Variants in MYH14 observed in about 807,000 individuals in gnomAD.
MYH14 encodes the protein myosin heavy chain 14, also known as myosin-14.
A neutral mutation model predicts 255.5 loss-of-function variants in MYH14; 123 were observed. The ratio of observed to expected loss-of-function variants is 0.48; its 90% CI spans 0.42 to 0.56. The LOEUF (loss-of-function observed/expected upper bound fraction) is 0.56. Among genes scored for constraint, MYH14 ranks in the 20% least tolerant of loss-of-function variants. MYH14 has a pLI of 0.00. For missense variants in MYH14, 2,423 were observed against 2,802.3 expected (o/e 0.86, Z 3.06); for synonymous variants, 1,095 against 1,161.2 (o/e 0.94, Z 1.16).
intron 10 of MYH14, among the ~76,000 whole-genome samples, chr19:50,235,822 C>G (rs2033633154): frequency 1.3e-5 from 2 of 152,036 alleles, no homozygotes; most frequent in African/African-American, 4.8e-5. Context: ...CTCAGCTCAT[C>G]ATTCCCATGG....
intron 8 of MYH14, 42 bp downstream of exon 8, chr19:50,227,008 A>G: frequency 2.5e-6 from 4 of 1,596,592 alleles, no homozygotes; most frequent in Non-Finnish European, 3.4e-6. Flanking sequence ...CAAGGGGGGC[A>G]GCCTTTCAGA....
Position 50,260,625 on chromosome 19 carries a change from AC to A in MYH14, c.2355-17del, listed in dbSNP as rs750028974. 3.1e-6 allele frequency: 5 copies of A among 1,594,710 alleles called. No individual in the cohort carries two copies. The highest frequency in any genetic ancestry group is 1.1e-5 in the South Asian group (1 of 90,382). On this transcript the variant is annotated intron_variant, in intron 19 of 42. Coordinates refer to ENST00000642316, the MANE Select transcript of MYH14 (RefSeq NM_001145809.2). ...CGTTTGCTGTAACTCTCTCCTCCCC[AC>A]CCCTCCCTGCTCATTGCAGATACGA...
Position 50,217,777 on chromosome 19 carries a change from T to C in MYH14, c.562+6T>C. 2 of 1,612,372 alleles carry C rather than the reference T, an allele frequency of 1.2e-6. No individual in the cohort carries two copies. Among genetic ancestry groups the C allele is most frequent in the Non-Finnish European group, 1.7e-6 (2 of 1,179,266 alleles). On this transcript the variant is annotated splice_donor_region_variant and intron_variant, in intron 3 of 42. Transcript: ENST00000642316. ...CTATCGGAGCATGCTGCAGGGTGAG[T>C]GCTGGGTGGGGCTGTAGGCCAGCGA...
At chr19:50,206,412 G>T in intron 1 of MYH14, among the ~76,000 whole-genome samples, 1 of 151,212 alleles carries the variant, frequency 6.6e-6, no homozygotes, top group Non-Finnish European at 1.5e-5. Context: ...AGTGGATGGG[G>T]TGGGGTGGGG....
rs1163440925 is a variant in MYH14 at position 50,289,632 on chromosome 19, G to A, written c.4949G>A (p.Arg1650Lys). 1.9e-6 allele frequency: 3 copies of A among 1,609,232 alleles called. No individual in the cohort carries two copies. Among genetic ancestry groups the A allele is most frequent in the African/African-American group, 1.3e-5 (1 of 74,982 alleles). Residue 1650 changes from arginine (R) to lysine (K), a missense_variant, in exon 35 of 43, where the codon AGG (arginine) becomes AAG (lysine). Physicochemically the swap from Arg to Lys is conservative, Grantham distance 26. Around this residue, in one of 3 missense-constraint regions of MYH14, gnomAD observed 1,513 missense variants for 1,674.8 expected, o/e 0.90. Coordinates refer to ENST00000642316, the MANE Select transcript of MYH14 (RefSeq NM_001145809.2). ...GRDEAGEERR[R>K]QLAKQLRDAE... ...GATGAGGCTGGTGAAGAGAGGCGGA[G>A]GCAGCTGGCCAAGCAGGTATTGTCA...
At position 50,210,365 on chromosome 19, in the gene MYH14, C is replaced by T. The variant is rs1326358990; in HGVS notation, c.-1C>T. ...ACCCTCTTTCTTTGCCCCTGCAGAC[C>T]ATGGCAGCCGTGACCATGTCGGTGC... is the stretch of plus-strand genomic sequence containing the variant. On this transcript the variant is annotated splice_region_variant and 5_prime_UTR_variant, in exon 2 of 43. Coordinates refer to ENST00000642316, the MANE Select transcript of MYH14 (RefSeq NM_001145809.2). 1 of 1,586,292 alleles carries T rather than the reference C, an allele frequency of 6.3e-7. No homozygotes were observed. The highest frequency in any genetic ancestry group is 8.6e-7 in the Non-Finnish European group (1 of 1,167,930).
intron 12 of MYH14, among the ~76,000 whole-genome samples, chr19:50,248,267 C>T (rs1202817963): frequency 6.6e-6 from 1 of 152,174 alleles, no homozygotes; most frequent in Middle Eastern, 3.4e-3. Flanking sequence ...CAGGGAGTGA[C>T]TTGATTCAGT....
In MYH14 at chr19:50,225,638, CA is replaced by C; in HGVS notation, c.773del (p.Asn258MetfsTer5). ...CCAACCCCATCCTAGAGGCCTTTGG[CA>C]ATGCCAAGACAGTGAAGAATGACAA... is the stretch of plus-strand genomic sequence containing the variant. ...QANPILEAFGNAKTVKNDNSS... is the reference protein window; with the variant it reads ...QANPILEAFGXAKTVKNDNSS... On this transcript the variant is annotated frameshift_variant, in exon 7 of 43. Coordinates refer to ENST00000642316, the MANE Select transcript of MYH14 (RefSeq NM_001145809.2). LOFTEE classifies it high-confidence loss of function. 6.2e-7 allele frequency: 1 copy of C among 1,613,898 alleles called. No homozygotes were observed. The highest frequency in any genetic ancestry group is 8.5e-7 in the Non-Finnish European group (1 of 1,179,928).
At chr19:50,239,836 A>G (rs1448521651) in intron 10 of MYH14, among the ~76,000 whole-genome samples, 1 of 152,102 alleles carries the variant, frequency 6.6e-6, no homozygotes, top group Non-Finnish European at 1.5e-5. Flanking sequence ...GGCGTGAGCC[A>G]CCGCGCCCGG....
Position 50,258,727 on chromosome 19 carries a change from A to AC in MYH14, c.2233-417_2233-416insC, listed in dbSNP as rs1211622269. 7.9e-3 allele frequency: 1,084 copies of AC among 136,478 alleles called. 18 individuals are homozygous for AC. The highest frequency in any genetic ancestry group is 0.013 in the Non-Finnish European group (849 of 64,414). 8.5% of individuals were successfully genotyped at this position (136,478 alleles called of 1,614,324 possible). A position where few individuals can be genotyped will look rare whatever the true frequency, so the allele number is the denominator to read the frequency against. ...ACAGAGCAAGACTCTGTCTCAAAAAAAAAAAAAAAAAAAAAAACGAACAAA... is the reference window on the plus strand; with the variant it reads ...ACAGAGCAAGACTCTGTCTCAAAAAACAAAAAAAAAAAAAAAAACGAACAAA... On this transcript the variant is annotated intron_variant, in intron 18 of 42. Coordinates refer to ENST00000642316, the MANE Select transcript of MYH14 (RefSeq NM_001145809.2).
At chr19:50,228,774 G>A (rs7250046) in intron 8 of MYH14, among the ~76,000 whole-genome samples, 37,383 of 151,992 alleles carry the variant, frequency 0.25, 5,286 homozygotes, top group East Asian at 0.33. Context: ...TCCTGTCCAC[G>A]CTCCCCATGC....
chr19:50,204,617 G>A (rs80064188), intron 1 of MYH14, among the ~76,000 whole-genome samples: 16,093 of 152,266 alleles, frequency 0.11, 894 homozygotes, highest in Non-Finnish European at 0.12. Flanking sequence ...ATTCTAGGCC[G>A]GGCGCAGTGG....
At chr19:50,307,315 T>A (rs1408506817) in intron 41 of MYH14, among the ~76,000 whole-genome samples, 158 bp downstream of exon 41, 1 of 152,104 alleles carries the variant, frequency 6.6e-6, no homozygotes, top group Non-Finnish European at 1.5e-5. Context: ...ACTTGGCACA[T>A]CAGCAGAGGG....
rs1261188130 is a variant in MYH14 at position 50,203,670 on chromosome 19, C to G, written c.-5C>G. On this transcript the variant is annotated splice_region_variant and 5_prime_UTR_variant, in exon 1 of 43. Coordinates refer to ENST00000642316, the MANE Select transcript of MYH14 (RefSeq NM_001145809.2). ...GAAGCCTCGGGACGGCCCTGGAAGCCGGTGAGTGCCCGGGGCCGGCAGCCC... is the reference window on the plus strand; with the variant it reads ...GAAGCCTCGGGACGGCCCTGGAAGCGGGTGAGTGCCCGGGGCCGGCAGCCC... The G allele has an allele frequency of 6.6e-6, 1 of 152,468 alleles. No individual in the cohort carries two copies. Among genetic ancestry groups the G allele is most frequent in the Non-Finnish European group, 1.5e-5 (1 of 68,256 alleles). The allele number at this position is 152,468 out of a possible 1,614,324, so 9.4% of individuals were successfully genotyped here.
intron 10 of MYH14, among the ~76,000 whole-genome samples, chr19:50,239,941 T>A (rs1438112269): frequency 6.6e-6 from 1 of 151,194 alleles, no homozygotes; most frequent in African/African-American, 2.4e-5. Context: ...CCTGGGGGAG[T>A]TTTGGGAGGG....
At chr19:50,297,230 C>T (rs1049845556) in intron 39 of MYH14, among the ~76,000 whole-genome samples, 20 of 152,080 alleles carry the variant, frequency 1.3e-4, no homozygotes, top group African/African-American at 4.6e-4. Context: ...GTGATCCGCC[C>T]GCCTCGGCCT....
intron 40 of MYH14, among the ~76,000 whole-genome samples, chr19:50,305,950 C>A (rs2036637404): frequency 6.6e-6 from 1 of 151,784 alleles, no homozygotes; most frequent in Admixed American, 6.6e-5. Context: ...AATAAAGTCA[C>A]CCTGGGAGCA....
rs368277878 is a variant in MYH14 at position 50,293,733 on chromosome 19, T to A, written c.5469+46T>A. ...CCACCAGCCTCAGTCCCCATTGACC[T>A]GGGACCGTAACCTTCAGTCCTCTTA... On this transcript the variant is annotated intron_variant, in intron 39 of 42. Coordinates refer to ENST00000642316, the MANE Select transcript of MYH14 (RefSeq NM_001145809.2). This position sits in a 1 kb window ranked among gnomAD's most constrained non-coding sequence, Gnocchi z 4.1. The A allele has an allele frequency of 7.1e-5, 108 of 1,512,812 alleles. No individual in the cohort carries two copies. In the African/African-American group the frequency reaches 1.4e-3, roughly 20 times the overall value. 93.7% of individuals were successfully genotyped at this position (1,512,812 alleles called of 1,614,324 possible). A position where few individuals can be genotyped will look rare whatever the true frequency, so the allele number is the denominator to read the frequency against.
chr19:50,208,243 CA>C (rs752097995), intron 1 of MYH14, among the ~76,000 whole-genome samples: 3 of 152,044 alleles, frequency 2.0e-5, no homozygotes, highest in Non-Finnish European at 4.4e-5. Context: ...GGTGAAACCC[CA>C]TCTCTACTAA....
Sources: gnomAD v4.1 joint callset for allele counts (sites outside exome capture counted in the v4.1 genomes callset) on GRCh38, gnomAD v4.1.1 for gene constraint, gnomAD v4.1.1 regional missense constraint, Gnocchi (gnomAD v3.1) non-coding constraint, MANE v1.5 for transcripts, NCBI Gene and HGNC (gene_info 2026-07-23, HGNC 2026-07-21) for gene names.